RPTOR: variants seen among roughly 807,000 people sequenced by gnomAD.
RPTOR encodes the protein regulatory associated protein of MTOR complex 1.
Under a neutral mutation model 169.9 loss-of-function variants are expected in RPTOR, and 21 were observed. That is an observed-to-expected ratio of 0.12 (90% CI 0.09 to 0.18). The LOEUF is 0.18. Ranked by LOEUF, RPTOR falls within the 10% of genes least tolerant of loss-of-function variation. RPTOR has a pLI of 1.00. For synonymous variants in RPTOR, 732 were observed against 753.2 expected (o/e 0.97, Z 0.46); for missense variants, 1,133 against 1,855.9 (o/e 0.61, Z 7.16).
intron 6 of RPTOR, chr17:80,774,071 G>A: frequency 2.0e-6 from 2 of 985,396 alleles, no homozygotes; most frequent in East Asian, 1.1e-4. Context: ...AAGAAGCACT[G>A]ATCATTGTGT....
chr17:80,844,870 C>T lies in RPTOR; in HGVS notation c.1213-1603C>T, dbSNP rs2143707180. ...CGGAGGGAGGGTTCCTCCCGACCTC[C>T]TCTCAGAGACACGCACCTCCACTGC... On this transcript the variant is annotated intron_variant, in intron 10 of 33. Transcript: ENST00000306801. The surrounding 1 kb of genome is among the most constrained non-coding windows in gnomAD (Gnocchi z 4.7). Among the ~76,000 whole-genome samples the T allele has an allele frequency of 6.6e-6, 1 of 152,290 alleles. No individual in the cohort carries two copies. Among genetic ancestry groups the T allele is most frequent in the East Asian group, 1.9e-4 (1 of 5,190 alleles).
At chr17:80,795,422 C>T (rs866876629) in intron 7 of RPTOR, among the ~76,000 whole-genome samples, 3 of 152,152 alleles carry the variant, frequency 2.0e-5, no homozygotes, top group Non-Finnish European at 4.4e-5. Flanking sequence ...CCAGTGCATC[C>T]CCTCCCTCCC....
In RPTOR at chr17:80,841,200, G is replaced by A. The variant is rs1388511553; in HGVS notation, c.1212+3203G>A. On this transcript the variant is annotated intron_variant, in intron 10 of 33. Coordinates refer to ENST00000306801, the MANE Select transcript of RPTOR (RefSeq NM_020761.3). ...CACGGCAGCTCACACTCACCGCACG[G>A]CAGCTCACTCTCACCGCACGGCAGC... Among the ~76,000 whole-genome samples the A allele has an allele frequency of 4.7e-3, 470 of 99,670 alleles. 4 individuals are homozygous for A. Among genetic ancestry groups the A allele is most frequent in the East Asian group, 0.012 (31 of 2,560 alleles). The allele number at this position is 99,670 out of a possible 152,430, so 65.4% of individuals were successfully genotyped here. A position where few individuals can be genotyped will look rare whatever the true frequency, so the allele number is the denominator to read the frequency against.
At chr17:80,926,659 G>T in intron 24 of RPTOR, among the ~76,000 whole-genome samples, 1 of 152,216 alleles carries the variant, frequency 6.6e-6, no homozygotes, top group East Asian at 1.9e-4. Context: ...AAGCGCTCAT[G>T]ACAACATTCC....
At chr17:80,889,085 G>A (rs2068284185) in intron 17 of RPTOR, among the ~76,000 whole-genome samples, 1 of 152,220 alleles carries the variant, frequency 6.6e-6, no homozygotes, top group African/African-American at 2.4e-5. Context: ...CAGGTGAGAG[G>A]GGCCGCTCGC....
chr17:80,705,601 G>C (rs1376723448), intron 3 of RPTOR, among the ~76,000 whole-genome samples: 1 of 152,180 alleles, frequency 6.6e-6, no homozygotes, highest in Non-Finnish European at 1.5e-5. Context: ...ATACAACAGA[G>C]TAACCGTGTT....
intron 1 of RPTOR, among the ~76,000 whole-genome samples, chr17:80,583,946 G>A (rs1367216354): frequency 6.6e-6 from 1 of 152,176 alleles, no homozygotes; most frequent in Non-Finnish European, 1.5e-5. Context: ...CTCTGCAGTG[G>A]TCACCCTCTG....
intron 20 of RPTOR, among the ~76,000 whole-genome samples, chr17:80,904,421 C>T (rs1302508627): frequency 2.6e-5 from 4 of 152,180 alleles, no homozygotes; most frequent in African/African-American, 4.8e-5. Flanking sequence ...TGAACTGCTC[C>T]GACAGCCGGG....
intron 7 of RPTOR, among the ~76,000 whole-genome samples, chr17:80,808,111 A>G (rs1480031635): frequency 2.0e-5 from 3 of 150,402 alleles, no homozygotes; most frequent in Middle Eastern, 3.4e-3. Context: ...CCTGGGCAAC[A>G]TGATAAGACC....
chr17:80,671,739 A>G (rs1053101503), intron 3 of RPTOR, among the ~76,000 whole-genome samples: 18 of 152,156 alleles, frequency 1.2e-4, no homozygotes, highest in Admixed American at 9.2e-4. Flanking sequence ...AGGCTGACCT[A>G]TGGTCTTCTG....
chr17:80,669,663 G>A lies in RPTOR; in HGVS notation c.348+25853G>A, dbSNP rs138483129. 4.9e-4 allele frequency among the ~76,000 whole-genome samples: 74 copies of A among 152,262 alleles called. 1 individual carries two copies. The East Asian group carries it at 0.013, about 27-fold the overall frequency. ...CCTCCTGAAGTGCTGGATTACAGGCGTGCGCCACCGCGCCCGGCCCAGTAG... is the reference window on the plus strand; with the variant it reads ...CCTCCTGAAGTGCTGGATTACAGGCATGCGCCACCGCGCCCGGCCCAGTAG... On this transcript the variant is annotated intron_variant, in intron 3 of 33. Transcript: ENST00000306801.
At chr17:80,791,425 T>C (rs992602435) in intron 6 of RPTOR, 25 bp from the exon 7 acceptor site, 1 of 1,610,886 alleles carries the variant, frequency 6.2e-7, no homozygotes, top group Non-Finnish European at 8.5e-7. Flanking sequence ...ATTCATGCCG[T>C]TCACATTCTT....
intron 6 of RPTOR, among the ~76,000 whole-genome samples, chr17:80,785,836 G>A (rs1452132645): frequency 6.6e-6 from 1 of 152,150 alleles, no homozygotes; most frequent in Non-Finnish European, 1.5e-5. Context: ...TGCTGATGGC[G>A]AGACCTCCAG....
intron 20 of RPTOR, among the ~76,000 whole-genome samples, chr17:80,908,268 G>A (rs2068569076): frequency 6.6e-6 from 1 of 152,164 alleles, no homozygotes; most frequent in Non-Finnish European, 1.5e-5. Flanking sequence ...GAGAGGCTTA[G>A]GGACAAAAGT....
chr17:80,849,437 C>T (rs767556190), intron 11 of RPTOR, among the ~76,000 whole-genome samples: 27 of 152,272 alleles, frequency 1.8e-4, no homozygotes, highest in Non-Finnish European at 3.7e-4. Flanking sequence ...TCCTCTCTGC[C>T]TTTTAAAAAT....
chr17:80,814,041 TGAGGTGGGAGGATCGCTTGAGGCTGG>T (rs1474911411), intron 7 of RPTOR, among the ~76,000 whole-genome samples: 2 of 151,884 alleles, frequency 1.3e-5, no homozygotes, highest in African/African-American at 4.8e-5. Flanking sequence ...AGGCTGAGGC[TGAGGTGGGAGGATCGCTTGAGGCTGG>T]GAGGTGGAAG....
At position 80,964,986 on chromosome 17, in the gene RPTOR, G is replaced by C. The variant is rs1383715505; in HGVS notation, c.*656G>C. 1 of 233,352 alleles carries C rather than the reference G, an allele frequency of 4.3e-6. No homozygotes were observed. Among genetic ancestry groups the C allele is most frequent in the Non-Finnish European group, 8.5e-6 (1 of 118,216 alleles). 14.5% of individuals were successfully genotyped at this position (233,352 alleles called of 1,614,324 possible). On this transcript the variant is annotated 3_prime_UTR_variant, in exon 34 of 34. Transcript: ENST00000306801. The stretch of plus-strand genomic sequence containing the variant: ...CTGGCAGCATCACTGAGCAGGAAGC[G>C]CACAGCCCACCCTCCCCGCACCTCC...
At chr17:80,774,189 C>G in intron 6 of RPTOR, 2 of 985,436 alleles carry the variant, frequency 2.0e-6, no homozygotes, top group Middle Eastern at 5.2e-4. Flanking sequence ...GGATGTCAAG[C>G]TGGTCCCGTC....
chr17:80,577,518 G>T (rs950644481), intron 1 of RPTOR, among the ~76,000 whole-genome samples: 1 of 151,882 alleles, frequency 6.6e-6, no homozygotes, highest in African/African-American at 2.4e-5. Flanking sequence ...GGCTCAAGCA[G>T]TCCCCCTGCC....
Sources: allele counts gnomAD v4.1 joint callset (sites outside exome capture counted in the v4.1 genomes callset), GRCh38; gene constraint gnomAD v4.1.1; non-coding constraint Gnocchi (gnomAD v3.1); transcripts MANE v1.5; gene names NCBI Gene and HGNC (gene_info 2026-07-23, HGNC 2026-07-21).